The following PARD3B variants were observed in gnomAD, a reference collection of about 807,000 sequenced individuals.
PARD3B encodes the protein par-3 family cell polarity regulator beta, also known as partitioning defective 3 homolog B.
Under a neutral mutation model 130.2 loss-of-function variants are expected in PARD3B, and 103 were observed. That is an observed-to-expected ratio of 0.79 (90% CI 0.67 to 0.93). The LOEUF (loss-of-function observed/expected upper bound fraction) is 0.93. Ranked by LOEUF, PARD3B falls within the 40% of genes least tolerant of loss-of-function variation. The probability of loss-of-function intolerance (pLI) is 0.00; values close to 1 mark genes in which losing one functional copy is unlikely to be tolerated. For synonymous variants in PARD3B, 583 were observed against 553.2 expected, an observed-to-expected ratio of 1.05 and a Z score of -0.76; for missense variants, 1,609 against 1,499.2, an observed-to-expected ratio of 1.07 and a Z score of -1.21.
intron 22 of PARD3B, among the ~76,000 whole-genome samples, chr2:205,609,570 T>C (rs998571095): frequency 3.9e-5 from 6 of 152,196 alleles, no homozygotes; most frequent in African/African-American, 1.4e-4. Flanking sequence ...AAAAATTAGC[T>C]TTGTTTTGGC....
At position 204,623,993 on chromosome 2, in the gene PARD3B, G is replaced by T. The variant is rs1008354319; in HGVS notation, c.121-62188G>T. Among the ~76,000 whole-genome samples the T allele has an allele frequency of 5.9e-5, 9 of 152,124 alleles. No individual in the cohort carries two copies. The highest frequency in any genetic ancestry group is 1.5e-5 in the Non-Finnish European group (1 of 68,006). ...TGGCAGGACTTTCTTTTTAGAGGCT[G>T]CATAATATTCCATGGTATGTATATA... On this transcript the variant is annotated intron_variant, in intron 1 of 22. Transcript: ENST00000406610. The surrounding 1 kb of genome is among the most constrained non-coding windows in gnomAD (Gnocchi z 4.5).
At position 204,655,029 on chromosome 2, in the gene PARD3B, A is replaced by G. The variant is rs1243944172; in HGVS notation, c.121-31152A>G. Among the ~76,000 whole-genome samples the G allele has an allele frequency of 2.0e-5, 3 of 152,058 alleles. No individual in the cohort carries two copies. The East Asian group carries it at 5.8e-4, about 29-fold the overall frequency. The stretch of plus-strand genomic sequence containing the variant: ...ACTTGTCTCCCCCAGAAATACTTAG[A>G]TTTGTTGCTTTAAGTCTTGGTTGCA... On this transcript the variant is annotated intron_variant, in intron 1 of 22. Transcript: ENST00000406610.
chr2:204,771,362 G>T (rs1367913600), intron 2 of PARD3B, among the ~76,000 whole-genome samples: 1 of 152,074 alleles, frequency 6.6e-6, no homozygotes, highest in Non-Finnish European at 1.5e-5. Flanking sequence ...AGATGGATTT[G>T]CCAGCTTTGC....
intron 4 of PARD3B, among the ~76,000 whole-genome samples, chr2:205,073,598 C>T (rs1700870261): frequency 6.6e-6 from 1 of 152,142 alleles, no homozygotes; most frequent in East Asian, 1.9e-4. Context: ...GTTTATCTTC[C>T]CCAGACTCTT....
chr2:204,570,390 TTGTGCCGCCTTC>T (rs1341903736), intron 1 of PARD3B, among the ~76,000 whole-genome samples: 3 of 152,152 alleles, frequency 2.0e-5, no homozygotes, highest in Non-Finnish European at 4.4e-5. Context: ...ATAGGCTGCT[TTGTGCCGCCTTC>T]TGTATTAGCA....
intron 10 of PARD3B, among the ~76,000 whole-genome samples, chr2:205,130,478 T>C (rs1038784346): frequency 6.6e-6 from 1 of 152,208 alleles, no homozygotes; most frequent in Non-Finnish European, 1.5e-5. Context: ...GCTTCATTTC[T>C]TTAAGAGCTA....
At chr2:204,629,302 C>T (rs944624823) in intron 1 of PARD3B, among the ~76,000 whole-genome samples, 1 of 152,164 alleles carries the variant, frequency 6.6e-6, no homozygotes, top group Non-Finnish European at 1.5e-5. Context: ...TGCCCCTTCC[C>T]TACTTTCTGT....
intron 22 of PARD3B, among the ~76,000 whole-genome samples, chr2:205,613,207 G>A (rs2055299842): frequency 6.6e-6 from 1 of 152,194 alleles, no homozygotes; most frequent in Non-Finnish European, 1.5e-5. Flanking sequence ...ATGTTCATTT[G>A]AAGGCAAATA....
At chr2:204,611,074 C>G (rs1331320861) in intron 1 of PARD3B, among the ~76,000 whole-genome samples, 1 of 152,022 alleles carries the variant, frequency 6.6e-6, no homozygotes, top group East Asian at 1.9e-4. Flanking sequence ...TGAGAGTTTT[C>G]TTGTTCATAC....
At chr2:204,949,943 G>C (rs901692962) in intron 2 of PARD3B, among the ~76,000 whole-genome samples, 3 of 152,060 alleles carry the variant, frequency 2.0e-5, no homozygotes, top group African/African-American at 7.2e-5. Context: ...CTAGATACAA[G>C]ATACTGTCCA....
At chr2:205,425,927 A>C (rs1244025784) in intron 19 of PARD3B, among the ~76,000 whole-genome samples, 1 of 152,200 alleles carries the variant, frequency 6.6e-6, no homozygotes, top group Non-Finnish European at 1.5e-5. Context: ...AGAGTCAATT[A>C]ATGACATTAA....
chr2:204,918,503 G>T (rs1195816879), intron 2 of PARD3B, among the ~76,000 whole-genome samples: 2 of 150,796 alleles, frequency 1.3e-5, no homozygotes, highest in Admixed American at 6.6e-5. Flanking sequence ...AGTGGCGGGC[G>T]CCTGTAGTCC....
chr2:205,491,467 ATC>A (rs1359848157), intron 20 of PARD3B, among the ~76,000 whole-genome samples: 1 of 152,096 alleles, frequency 6.6e-6, no homozygotes, highest in African/African-American at 2.4e-5. Context: ...ATTGGTCTAT[ATC>A]TCTGTTTTGG....
chr2:205,161,952 A>C (rs1159992554), intron 11 of PARD3B, among the ~76,000 whole-genome samples: 1 of 152,212 alleles, frequency 6.6e-6, no homozygotes. Context: ...TGGTCTAAAC[A>C]AAGATAGGCT....
chr2:205,283,111 C>T lies in PARD3B; in HGVS notation c.2186-17419C>T, dbSNP rs772938629. Among the ~76,000 whole-genome samples the T allele has an allele frequency of 4.6e-5, 7 of 152,170 alleles. No homozygotes were observed. The South Asian group carries it at 6.2e-4, about 13-fold the overall frequency. On this transcript the variant is annotated intron_variant, in intron 16 of 22. Coordinates refer to ENST00000406610, the MANE Select transcript of PARD3B (RefSeq NM_001302769.2). ...AACTCTATTCAGCAAATGGCTGCTC[C>T]GCTCTATCTTAAATATAGGCCCAAT...
At chr2:205,566,070 G>T (rs1438112317) in intron 22 of PARD3B, among the ~76,000 whole-genome samples, 2 of 152,206 alleles carry the variant, frequency 1.3e-5, no homozygotes, top group African/African-American at 4.8e-5. Flanking sequence ...CAGAGGCCTT[G>T]TGTAGGAGAA....
intron 4 of PARD3B, among the ~76,000 whole-genome samples, chr2:205,067,356 G>A (rs1374609346): frequency 1.3e-5 from 2 of 151,688 alleles, no homozygotes; most frequent in African/African-American, 4.8e-5. Flanking sequence ...AGAGATAGAG[G>A]TTTCACTAGG....
At chr2:204,877,445 A>G (rs1289942147) in intron 2 of PARD3B, among the ~76,000 whole-genome samples, 1 of 152,208 alleles carries the variant, frequency 6.6e-6, no homozygotes, top group Non-Finnish European at 1.5e-5. Flanking sequence ...ATGGAAACTC[A>G]CATAGAAGGA....
chr2:205,427,608 A>C (rs1181165791), intron 19 of PARD3B, among the ~76,000 whole-genome samples: 2 of 152,196 alleles, frequency 1.3e-5, no homozygotes, highest in African/African-American at 4.8e-5. Context: ...TGCTTTTTTT[A>C]AAGAAACAAA....
Sources: gnomAD v4.1 joint callset for allele counts (sites outside exome capture counted in the v4.1 genomes callset) on GRCh38, gnomAD v4.1.1 for gene constraint, Gnocchi (gnomAD v3.1) non-coding constraint, MANE v1.5 for transcripts, NCBI Gene and HGNC (gene_info 2026-07-23, HGNC 2026-07-21) for gene names.